The following MAST4 variants were observed in gnomAD, a reference collection of about 807,000 sequenced individuals.
The protein encoded by MAST4 is microtubule-associated serine/threonine-protein kinase 4.
A neutral mutation model predicts 162.7 loss-of-function variants in MAST4; 89 were observed. The observed-to-expected ratio is 0.55, with a 90% CI of 0.46 to 0.65. The LOEUF (loss-of-function observed/expected upper bound fraction) is 0.65. Ranked by LOEUF, MAST4 falls within the 30% of genes least tolerant of loss-of-function variation. MAST4 has a pLI of 0.00. For missense variants in MAST4, 3,153 were observed against 3,374.0 expected, an observed-to-expected ratio of 0.93 and a Z score of 1.62; for synonymous variants, 1,479 against 1,361.1, an observed-to-expected ratio of 1.09 and a Z score of -1.91.
At chr5:66,993,920 A>ACCCCCCCCCCCCCCC (rs55759396) in intron 4 of MAST4, among the ~76,000 whole-genome samples, 7 of 57,688 alleles carry the variant, frequency 1.2e-4, no homozygotes, top group Non-Finnish European at 1.7e-4. Context: ...TGTGCAGAAG[A>ACCCCCCCCCCCCCCC]CCCCCCCCCC....
chr5:66,688,692 G>A (rs897758712), intron 1 of MAST4, among the ~76,000 whole-genome samples: 1 of 152,018 alleles, frequency 6.6e-6, no homozygotes, highest in Non-Finnish European at 1.5e-5. Flanking sequence ...TTTCTGTATG[G>A]TACCAAATTT....
intron 1 of MAST4, among the ~76,000 whole-genome samples, chr5:66,747,422 A>C (rs1752836700): frequency 6.6e-6 from 1 of 152,208 alleles, no homozygotes; most frequent in African/African-American, 2.4e-5. Context: ...TATCTAGTAC[A>C]TCTTCTAGTT....
At chr5:66,701,851 G>T (rs998089690) in intron 1 of MAST4, among the ~76,000 whole-genome samples, 6 of 151,968 alleles carry the variant, frequency 3.9e-5, no homozygotes, top group African/African-American at 7.2e-5. Context: ...ATGAGAATTG[G>T]TTTTCACCTT....
chr5:66,657,356 G>T (rs1445410565), intron 1 of MAST4, among the ~76,000 whole-genome samples: 6 of 152,138 alleles, frequency 3.9e-5, no homozygotes, highest in Non-Finnish European at 8.8e-5. Context: ...TAATAGTTTA[G>T]CAATCTGCAA....
At chr5:66,788,607 C>CCAAAAAAAAAAAAAAAAA in intron 2 of MAST4, 63 bp from the exon 3 acceptor site, 7 of 1,373,662 alleles carry the variant, frequency 5.1e-6, no homozygotes, top group Non-Finnish European at 7.1e-6. Context: ...CCCCCACCCC[C>CCAAAAAAAAAAAAAAAAA]ATTGCAATAA....
intron 19 of MAST4, 138 bp downstream of exon 19, chr5:67,136,802 T>C (rs1769708302): frequency 3.2e-6 from 2 of 620,040 alleles, no homozygotes; most frequent in South Asian, 3.9e-5. Flanking sequence ...TGCAACACAT[T>C]ATAGCAATAA....
intron 4 of MAST4, among the ~76,000 whole-genome samples, chr5:66,948,071 G>T (rs1328142688): frequency 2.0e-5 from 3 of 152,086 alleles, no homozygotes; most frequent in African/African-American, 7.2e-5. Flanking sequence ...ATTCCATCCT[G>T]CATACCCTGC....
At chr5:66,682,625 A>C (rs1440390253) in intron 1 of MAST4, among the ~76,000 whole-genome samples, 1 of 152,230 alleles carries the variant, frequency 6.6e-6, no homozygotes, top group Non-Finnish European at 1.5e-5. Flanking sequence ...GGCAAAGAGT[A>C]AGGAGAGAAG....
intron 3 of MAST4, among the ~76,000 whole-genome samples, chr5:66,793,362 A>G (rs766872490): frequency 5.9e-5 from 9 of 152,226 alleles, no homozygotes; most frequent in Non-Finnish European, 1.2e-4. Flanking sequence ...CATATACATT[A>G]ATCTGAAGAG....
At chr5:66,896,724 T>G (rs1762707871) in intron 3 of MAST4, among the ~76,000 whole-genome samples, 1 of 152,210 alleles carries the variant, frequency 6.6e-6, no homozygotes, top group Non-Finnish European at 1.5e-5. Flanking sequence ...TGTAAAACAT[T>G]ACAGTTTTCT....
chr5:67,148,661 G>A (rs1771396607), intron 23 of MAST4, among the ~76,000 whole-genome samples: 1 of 152,190 alleles, frequency 6.6e-6, no homozygotes, highest in African/African-American at 2.4e-5. Flanking sequence ...CATGAGGGAG[G>A]ATCAGCATAT....
chr5:67,028,655 A>C (rs1376164068), intron 4 of MAST4, among the ~76,000 whole-genome samples: 1 of 152,198 alleles, frequency 6.6e-6, no homozygotes, highest in Admixed American at 6.5e-5. Context: ...GTTCTGCTTT[A>C]GCCTGTTAGA....
At chr5:66,774,306 T>G (rs1754485817) in intron 2 of MAST4, among the ~76,000 whole-genome samples, 1 of 152,236 alleles carries the variant, frequency 6.6e-6, no homozygotes, top group African/African-American at 2.4e-5. Context: ...AGTATTTTAT[T>G]TTGGTTTTGC....
intron 4 of MAST4, among the ~76,000 whole-genome samples, chr5:66,970,218 C>T (rs1747260794): frequency 6.6e-6 from 1 of 152,146 alleles, no homozygotes; most frequent in Non-Finnish European, 1.5e-5. Context: ...CCAGTGCCAC[C>T]ACCTGGAGGC....
At chr5:66,978,849 A>G (rs775901549) in intron 4 of MAST4, among the ~76,000 whole-genome samples, 1 of 152,206 alleles carries the variant, frequency 6.6e-6, no homozygotes, top group African/African-American at 2.4e-5. Context: ...GGTGTAGGAC[A>G]TGTCTGGAGG....
At chr5:67,089,660 A>G (rs1277574835) in intron 5 of MAST4, among the ~76,000 whole-genome samples, 1 of 152,204 alleles carries the variant, frequency 6.6e-6, no homozygotes, top group Admixed American at 6.5e-5. Context: ...ATCCACCTTT[A>G]AAATATGTGC....
intron 3 of MAST4, among the ~76,000 whole-genome samples, chr5:66,800,587 A>G (rs1043356698): frequency 6.6e-6 from 1 of 152,072 alleles, no homozygotes; most frequent in Non-Finnish European, 1.5e-5. Context: ...AAAATAACTA[A>G]TGGGTACTGG....
At chr5:66,806,058 G>A (rs139513012) in intron 3 of MAST4, among the ~76,000 whole-genome samples, 90 of 152,278 alleles carry the variant, frequency 5.9e-4, no homozygotes, top group African/African-American at 2.1e-3. Context: ...AAGGAGAAGC[G>A]AAACATTAAT....
chr5:66,779,366 T>C (rs1020327024), intron 2 of MAST4, among the ~76,000 whole-genome samples: 16 of 151,772 alleles, frequency 1.1e-4, no homozygotes, highest in Admixed American at 1.1e-3. Flanking sequence ...TGCTTTGGAC[T>C]TCCCTTGTGT....
Sources: gnomAD v4.1 joint callset for allele counts (sites outside exome capture counted in the v4.1 genomes callset) on GRCh38, gnomAD v4.1.1 for gene constraint, MANE v1.5 for transcripts, NCBI Gene and HGNC (gene_info 2026-07-23, HGNC 2026-07-21) for gene names.